Variants in FMN1 observed in about 807,000 individuals in gnomAD.
FMN1 encodes the protein formin 1.
FMN1 carries 110 observed loss-of-function variants against 132.4 expected under a neutral mutation model. The ratio of observed to expected loss-of-function variants is 0.83; its 90% CI spans 0.71 to 0.97. The LOEUF (loss-of-function observed/expected upper bound fraction) is 0.97, where lower values mean the gene tolerates loss of function less well. Among genes scored for constraint, FMN1 ranks in the 50% least tolerant of loss-of-function variants. The pLI is 0.00. For synonymous variants in FMN1, 722 were observed against 651.7 expected, an observed-to-expected ratio of 1.11 and a Z score of -1.64; for missense variants, 1,792 against 1,705.3, an observed-to-expected ratio of 1.05 and a Z score of -0.90.
intron 7 of FMN1, among the ~76,000 whole-genome samples, chr15:32,984,650 G>A (rs1230426372): frequency 6.6e-6 from 1 of 152,170 alleles, no homozygotes; most frequent in Non-Finnish European, 1.5e-5. Context: ...GAAGCTATGA[G>A]CACAACCCTT....
At position 33,031,060 on chromosome 15, in the gene FMN1, G is replaced by A. The variant is rs1596510122; in HGVS notation, c.2162-22985C>T. On this transcript the variant is annotated intron_variant, in intron 6 of 20. Coordinates refer to ENST00000616417, the MANE Select transcript of FMN1 (RefSeq NM_001277313.2). ...TTCTCATTGTTCAACTCCCTGTGTG[G>A]GAATTATTATTATTATTATTACCAC... is the stretch of plus-strand genomic sequence containing the variant. Among the ~76,000 whole-genome samples, 2 of 151,370 alleles carry A rather than the reference G, an allele frequency of 1.3e-5. 1 individual carries two copies. Among genetic ancestry groups the A allele is most frequent in the African/African-American group, 4.9e-5 (2 of 41,224 alleles).
At chr15:32,958,445 T>C (rs765577767) in intron 9 of FMN1, among the ~76,000 whole-genome samples, 2 of 152,190 alleles carry the variant, frequency 1.3e-5, no homozygotes, top group Admixed American at 1.3e-4. Context: ...TCGGTCTTAG[T>C]TTCTTATGTG....
chr15:33,134,377 G>A (rs937967368), intron 4 of FMN1, among the ~76,000 whole-genome samples: 1 of 152,192 alleles, frequency 6.6e-6, no homozygotes, highest in Non-Finnish European at 1.5e-5. Context: ...GGATGCTGAG[G>A]TAACAGTTCC....
intron 6 of FMN1, among the ~76,000 whole-genome samples, chr15:33,046,114 AT>A (rs1223503725): frequency 2.6e-5 from 4 of 152,112 alleles, no homozygotes; most frequent in African/African-American, 9.7e-5. Flanking sequence ...ATAAATATAT[AT>A]TAGTTCTATA....
chr15:32,821,156 G>C (rs1213757938), intron 17 of FMN1, among the ~76,000 whole-genome samples: 2 of 104,220 alleles, frequency 1.9e-5, no homozygotes, highest in African/African-American at 5.6e-5. Flanking sequence ...GAGATAATCA[G>C]AGTATCCAAA....
intron 17 of FMN1, among the ~76,000 whole-genome samples, chr15:32,810,070 C>T (rs1270891296): frequency 1.3e-5 from 2 of 152,142 alleles, no homozygotes; most frequent in Admixed American, 1.3e-4. Flanking sequence ...TAGGCACGCA[C>T]CATGGCTGGC....
intron 6 of FMN1, among the ~76,000 whole-genome samples, chr15:33,055,918 A>C (rs1350687825): frequency 6.6e-6 from 1 of 152,240 alleles, no homozygotes; most frequent in Non-Finnish European, 1.5e-5. Context: ...GAGACAATTC[A>C]TTAAAATTAA....
In FMN1 at chr15:33,030,807, T is replaced by C. The variant is rs192111910; in HGVS notation, c.2162-22732A>G. 1.5e-3 allele frequency among the ~76,000 whole-genome samples: 222 copies of C among 152,318 alleles called. 1 individual carries two copies. Among genetic ancestry groups the C allele is most frequent in the Admixed American group, 3.0e-3 (46 of 15,292 alleles). On this transcript the variant is annotated intron_variant, in intron 6 of 20. Coordinates refer to ENST00000616417, the MANE Select transcript of FMN1 (RefSeq NM_001277313.2). ...AAAATATATAAACTCAAATAATCTA[T>C]ATAAACCTTATGTGGGAGTTTTTTT...
chr15:32,952,527 G>C (rs577843372), intron 9 of FMN1, among the ~76,000 whole-genome samples: 49 of 152,300 alleles, frequency 3.2e-4, no homozygotes, highest in South Asian at 6.2e-4. Context: ...AAAATCTTTA[G>C]AGTCAATATG....
intron 7 of FMN1, 51 bp from the exon 8 acceptor site, chr15:32,969,528 C>CT (rs1469281446): frequency 6.4e-7 from 1 of 1,572,564 alleles, no homozygotes; most frequent in African/African-American, 1.4e-5. Flanking sequence ...TAAGAACAAA[C>CT]TTAAGAATTT....
chr15:33,008,449 A>G (rs1171520218), intron 6 of FMN1, among the ~76,000 whole-genome samples: 1 of 152,166 alleles, frequency 6.6e-6, no homozygotes, highest in Non-Finnish European at 1.5e-5. Flanking sequence ...GCAGGAAACA[A>G]ACGAAAACTT....
intron 7 of FMN1, among the ~76,000 whole-genome samples, chr15:32,996,536 G>A (rs990839339): frequency 1.3e-5 from 2 of 152,148 alleles, no homozygotes; most frequent in African/African-American, 4.8e-5. Flanking sequence ...TCTTCCAGAG[G>A]CAGTTCAGTG....
intron 9 of FMN1, among the ~76,000 whole-genome samples, chr15:32,950,549 G>A (rs1182923985): frequency 6.6e-6 from 1 of 152,176 alleles, no homozygotes; most frequent in Non-Finnish European, 1.5e-5. Flanking sequence ...GCACATGGAT[G>A]GAGCTGGGGG....
At chr15:32,888,327 T>C in intron 15 of FMN1, 35 bp from the exon 16 acceptor site, 1 of 1,523,002 alleles carries the variant, frequency 6.6e-7, no homozygotes, top group Non-Finnish European at 8.8e-7. Context: ...ACATTATACT[T>C]CCCAATTGTC....
At chr15:32,844,333 G>T (rs1025849045) in intron 17 of FMN1, among the ~76,000 whole-genome samples, 1 of 152,144 alleles carries the variant, frequency 6.6e-6, no homozygotes. Context: ...CAGCCACTAG[G>T]TGGTAATATT....
intron 7 of FMN1, among the ~76,000 whole-genome samples, chr15:32,977,569 C>T (rs528888974): frequency 2.0e-5 from 3 of 152,292 alleles, no homozygotes; most frequent in African/African-American, 7.2e-5. Context: ...CTCTAAGCCT[C>T]ATTTTATATA....
At chr15:32,936,661 AGAG>A (rs896684808) in intron 9 of FMN1, among the ~76,000 whole-genome samples, 6 of 151,994 alleles carry the variant, frequency 3.9e-5, no homozygotes, top group Non-Finnish European at 5.9e-5. Flanking sequence ...AGTGGGAGGA[AGAG>A]GAGAAGGAGG....
chr15:33,088,754 T>C, intron 5 of FMN1, 45 bp downstream of exon 5: 1 of 1,479,712 alleles, frequency 6.8e-7, no homozygotes, highest in Non-Finnish European at 9.0e-7. Context: ...TGAGCCTCTG[T>C]TGACCACAAA....
At position 32,776,686 on chromosome 15, in the gene FMN1, A is replaced by ACTT. The variant is rs1429309156; in HGVS notation, c.4215+146_4215+148dup. On this transcript the variant is annotated intron_variant, in intron 20 of 20. Transcript: ENST00000616417. ...ATGTTTTGTACCTCCACCCACACAT[A>ACTT]CTTTTTTTTTTTTTTTTTTAACCAT... 7.2e-3 allele frequency: 3,911 copies of ACTT among 544,276 alleles called. 41 individuals are homozygous for ACTT. The highest frequency in any genetic ancestry group is 0.042 in the African/African-American group (1,992 of 47,844). 33.7% of individuals were successfully genotyped at this position (544,276 alleles called of 1,614,324 possible).
Sources: gnomAD v4.1 joint callset for allele counts (sites outside exome capture counted in the v4.1 genomes callset) on GRCh38, gnomAD v4.1.1 for gene constraint, MANE v1.5 for transcripts, NCBI Gene and HGNC (gene_info 2026-07-23, HGNC 2026-07-21) for gene names.